TNPO1: variants seen among roughly 807,000 people sequenced by gnomAD.
The protein encoded by TNPO1 is transportin 1, also known as transportin-1.
A neutral mutation model predicts 119.5 loss-of-function variants in TNPO1; 8 were observed. The observed-to-expected ratio is 0.07, with a 90% CI of 0.04 to 0.12. The LOEUF (loss-of-function observed/expected upper bound fraction) is 0.12, where lower values mean the gene tolerates loss of function less well. TNPO1 is among the 10% of genes least tolerant of loss of function. TNPO1 has a pLI of 1.00. For missense variants in TNPO1, 576 were observed against 1,089.8 expected (o/e 0.53, Z 6.64); for synonymous variants, 362 against 363.0 (o/e 1.00, Z 0.03).
intron 23 of TNPO1, among the ~76,000 whole-genome samples, chr5:72,904,899 A>G (rs900837805): frequency 3.3e-5 from 5 of 152,240 alleles, no homozygotes; most frequent in African/African-American, 1.2e-4. Context: ...CCTCACTGTC[A>G]TGGTGGAAGG....
At chr5:72,849,678 G>A (rs181443616) in intron 2 of TNPO1, among the ~76,000 whole-genome samples, 28 of 152,284 alleles carry the variant, frequency 1.8e-4, no homozygotes, top group Non-Finnish European at 2.8e-4. Flanking sequence ...TAATGATTTA[G>A]ATCTGCTTGG....
At chr5:72,901,138 C>A in intron 22 of TNPO1, 65 bp downstream of exon 22, 2 of 975,778 alleles carry the variant, frequency 2.0e-6, no homozygotes, top group South Asian at 2.0e-5. Context: ...AAGAAACATT[C>A]TAATACTTTA....
intron 1 of TNPO1, among the ~76,000 whole-genome samples, chr5:72,817,179 C>A (rs1370517179): frequency 6.6e-6 from 1 of 152,218 alleles, no homozygotes; most frequent in African/African-American, 2.4e-5. Flanking sequence ...CGAGATGGGC[C>A]AGTCTTTGTC....
rs1487779034 is a variant in TNPO1, at chr5:72,848,144, C to T, written c.16-241C>T. On this transcript the variant is annotated intron_variant, in intron 1 of 24. Transcript: ENST00000337273. ...GTGACTCAGTCTGGTCGGCTCCTTG[C>T]GCTCGGCGGCCGCGGCGGCAGCAGC... 4.1e-6 allele frequency: 5 copies of T among 1,207,586 alleles called. No individual in the cohort carries two copies. The South Asian group carries it at 7.2e-5, about 17-fold the overall frequency. The allele number at this position is 1,207,586 out of a possible 1,614,324, so 74.8% of individuals were successfully genotyped here.
intron 22 of TNPO1, among the ~76,000 whole-genome samples, chr5:72,902,913 TACAC>T (rs576554409): frequency 3.3e-4 from 50 of 152,304 alleles, no homozygotes; most frequent in East Asian, 1.3e-3. Flanking sequence ...TAAATAAACA[TACAC>T]ACACTGTAGT....
intron 2 of TNPO1, among the ~76,000 whole-genome samples, chr5:72,848,816 C>T (rs1163651585): frequency 6.7e-6 from 1 of 149,602 alleles, no homozygotes; most frequent in Non-Finnish European, 1.5e-5. Context: ...CGGGCCGCCA[C>T]GTCCCCGCCC....
At chr5:72,883,042 A>C in intron 10 of TNPO1, 22 bp from the exon 11 acceptor site, 1 of 1,597,018 alleles carries the variant, frequency 6.3e-7, no homozygotes. Context: ...GCCACCAAAA[A>C]TTTCTCTTAA....
chr5:72,897,261 T>C, intron 20 of TNPO1, 110 bp downstream of exon 20: 1 of 678,966 alleles, frequency 1.5e-6, no homozygotes. Context: ...GCTTATTTTG[T>C]ATTTAATTGC....
At chr5:72,857,136 T>C (rs1463552043) in intron 4 of TNPO1, among the ~76,000 whole-genome samples, 1 of 151,986 alleles carries the variant, frequency 6.6e-6, no homozygotes, top group African/African-American at 2.4e-5. Flanking sequence ...CCTGACATGG[T>C]AAAACCCTGT....
intron 2 of TNPO1, among the ~76,000 whole-genome samples, chr5:72,849,141 C>T (rs887576049): frequency 6.6e-6 from 1 of 152,176 alleles, no homozygotes. Flanking sequence ...CTCCTTGTCA[C>T]CCAAGTGAGA....
At chr5:72,870,033 TTTCTC>T (rs1004687034) in intron 6 of TNPO1, among the ~76,000 whole-genome samples, 44 of 152,344 alleles carry the variant, frequency 2.9e-4, no homozygotes, top group African/African-American at 1.0e-3. Context: ...AGGAATGCCT[TTTCTC>T]TTCCTTATAA....
intron 14 of TNPO1, among the ~76,000 whole-genome samples, chr5:72,891,511 A>T (rs1749053842): frequency 6.6e-6 from 1 of 152,136 alleles, no homozygotes; most frequent in South Asian, 2.1e-4. Context: ...GACTTTTTTA[A>T]GTAATAGATT....
chr5:72,845,276 A>T (rs1173694421), intron 1 of TNPO1, among the ~76,000 whole-genome samples: 3 of 152,146 alleles, frequency 2.0e-5, no homozygotes, highest in Middle Eastern at 3.2e-3. Context: ...AGAAAATCCA[A>T]TATTGATCTT....
chr5:72,868,940 G>A (rs952865719), intron 6 of TNPO1, among the ~76,000 whole-genome samples: 4 of 151,884 alleles, frequency 2.6e-5, no homozygotes, highest in African/African-American at 7.3e-5. Flanking sequence ...CCCGGGAGGC[G>A]GAGGTTGCAG....
At chr5:72,849,757 G>A (rs1376256755) in intron 2 of TNPO1, among the ~76,000 whole-genome samples, 1 of 152,166 alleles carries the variant, frequency 6.6e-6, no homozygotes, top group African/African-American at 2.4e-5. Flanking sequence ...ATGTATTGCC[G>A]TTTGTATCTT....
chr5:72,817,570 A>G (rs766476092), intron 1 of TNPO1, among the ~76,000 whole-genome samples: 1 of 152,160 alleles, frequency 6.6e-6, no homozygotes, highest in Non-Finnish European at 1.5e-5. Flanking sequence ...AGGATGGTCT[A>G]TCAGTAGATG....
chr5:72,823,938 C>G (rs1744096574), intron 1 of TNPO1, among the ~76,000 whole-genome samples: 1 of 152,170 alleles, frequency 6.6e-6, no homozygotes, highest in Non-Finnish European at 1.5e-5. Context: ...CCTTCTATAT[C>G]TCTTTTCCCA....
intron 6 of TNPO1, among the ~76,000 whole-genome samples, chr5:72,871,167 G>A (rs1050131776): frequency 3.9e-5 from 6 of 152,152 alleles, no homozygotes; most frequent in African/African-American, 1.4e-4. Context: ...AGTAGAGGCA[G>A]GGTTTCACCA....
At chr5:72,867,887 G>A (rs111440142) in intron 6 of TNPO1, among the ~76,000 whole-genome samples, 18 of 152,130 alleles carry the variant, frequency 1.2e-4, no homozygotes, top group African/African-American at 4.3e-4. Context: ...TTTTTTAAGT[G>A]TTGCCAATCA....
Sources: gnomAD v4.1 joint callset for allele counts (sites outside exome capture counted in the v4.1 genomes callset) on GRCh38, gnomAD v4.1.1 for gene constraint, MANE v1.5 for transcripts, NCBI Gene and HGNC (gene_info 2026-07-23, HGNC 2026-07-21) for gene names.